ADAMTS20: variants seen among roughly 807,000 people sequenced by gnomAD.
The protein encoded by ADAMTS20 is A disintegrin and metalloproteinase with thrombospondin motifs 20.
Under a neutral mutation model 260.1 loss-of-function variants are expected in ADAMTS20, and 225 were observed. The ratio of observed to expected loss-of-function variants is 0.87; its 90% CI spans 0.78 to 0.97. The LOEUF is 0.97. Ranked by LOEUF, ADAMTS20 falls within the 50% of genes least tolerant of loss-of-function variation. The pLI is 0.00. For synonymous variants in ADAMTS20, 802 were observed against 769.5 expected (o/e 1.04, Z -0.70); for missense variants, 2,400 against 2,337.7 (o/e 1.03, Z -0.55).
chr12:43,454,268 T>C (rs1159775239), intron 11 of ADAMTS20, among the ~76,000 whole-genome samples: 1 of 152,194 alleles, frequency 6.6e-6, no homozygotes, highest in African/African-American at 2.4e-5. Flanking sequence ...CTTCTGGCTT[T>C]AAGATTTAGA....
chr12:43,376,861 A>C (rs1381991461), intron 32 of ADAMTS20, among the ~76,000 whole-genome samples: 3 of 152,202 alleles, frequency 2.0e-5, no homozygotes, highest in Non-Finnish European at 4.4e-5. Flanking sequence ...ATTATTTCTC[A>C]GTTACTGGCT....
intron 2 of ADAMTS20, among the ~76,000 whole-genome samples, chr12:43,540,639 T>TA (rs34768513): frequency 2.0e-5 from 3 of 151,518 alleles, no homozygotes; most frequent in African/African-American, 7.3e-5. Context: ...TTAGCAGACT[T>TA]AAAAAAAAAA....
At chr12:43,433,800 C>A in intron 19 of ADAMTS20, 2 of 489,124 alleles carry the variant, frequency 4.1e-6, no homozygotes, top group Non-Finnish European at 8.2e-6. Context: ...GATCTAGGAT[C>A]AATTTCCCTA....
rs201686878 is a variant in ADAMTS20, at chr12:43,492,481, G to T, written c.1076+24C>A. ...GAGGGAAGAGTAAAGGATTGTATGG[G>T]AAGGGTTATTTCTATAATCATACCT... On this transcript the variant is annotated intron_variant, in intron 6 of 38. Coordinates refer to ENST00000389420, the MANE Select transcript of ADAMTS20 (RefSeq NM_025003.5). 1.8e-3 allele frequency: 2,914 copies of T among 1,611,828 alleles called. 7 individuals are homozygous for T. The highest frequency in any genetic ancestry group is 2.3e-3 in the Non-Finnish European group (2,765 of 1,178,114).
intron 28 of ADAMTS20, among the ~76,000 whole-genome samples, chr12:43,404,318 C>G (rs1291730497): frequency 1.3e-5 from 2 of 151,834 alleles, no homozygotes; most frequent in Non-Finnish European, 2.9e-5. Context: ...GCACCATGAA[C>G]CACAGGATCT....
chr12:43,508,279 T>TATCATTA (rs1363097658), intron 3 of ADAMTS20, among the ~76,000 whole-genome samples: 2 of 152,184 alleles, frequency 1.3e-5, no homozygotes, highest in East Asian at 3.8e-4. Context: ...TTATTATCAT[T>TATCATTA]ATCATTGAAA....
rs1274730824 is a variant in ADAMTS20 at position 43,452,410 on chromosome 12, A to C, written c.1943T>G (p.Ile648Ser). 2.5e-6 allele frequency: 4 copies of C among 1,606,982 alleles called. No individual in the cohort carries two copies. Among genetic ancestry groups the C allele is most frequent in the Non-Finnish European group, 3.4e-6 (4 of 1,178,088 alleles). ...GAGTTTACAACGATCCTTTGTGCCA[A>C]CTGTAAAAAAGAAAAAGGTCAAATT... is the stretch of plus-strand genomic sequence containing the variant. ...NVRWLPRYSG[I>S]GTKDRCKLYC... The change falls in exon 14 of 39, where the codon ATT (isoleucine) becomes AGT (serine). Residue 648 changes from isoleucine (I) to serine (S), a missense_variant and splice_region_variant. Physicochemically the swap from Ile to Ser is moderately radical, Grantham distance 142. Coordinates refer to ENST00000389420, the MANE Select transcript of ADAMTS20 (RefSeq NM_025003.5).
intron 15 of ADAMTS20, among the ~76,000 whole-genome samples, chr12:43,446,262 G>T (rs537349755): frequency 2.4e-4 from 36 of 152,134 alleles, no homozygotes; most frequent in Non-Finnish European, 5.0e-4. Flanking sequence ...ATACATTTTA[G>T]GTTATAGGGA....
chr12:43,478,795 T>C (rs1942398467), intron 7 of ADAMTS20, among the ~76,000 whole-genome samples: 1 of 152,196 alleles, frequency 6.6e-6, no homozygotes, highest in Non-Finnish European at 1.5e-5. Flanking sequence ...ATTTGCCTGT[T>C]AAATCAGGAA....
At chr12:43,396,666 T>A (rs1940710484) in intron 29 of ADAMTS20, among the ~76,000 whole-genome samples, 1 of 152,192 alleles carries the variant, frequency 6.6e-6, no homozygotes, top group South Asian at 2.1e-4. Context: ...TTTTTTATAG[T>A]CCTTAAATAT....
intron 37 of ADAMTS20, among the ~76,000 whole-genome samples, chr12:43,358,836 CAAAAA>C (rs151206551): frequency 1.6e-5 from 1 of 61,256 alleles, no homozygotes; most frequent in East Asian, 5.3e-4. Context: ...AACTCCGTCT[CAAAAA>C]AAAAAAAAAA....
intron 38 of ADAMTS20, among the ~76,000 whole-genome samples, chr12:43,355,833 T>C (rs1188866113): frequency 6.6e-6 from 1 of 152,006 alleles, no homozygotes; most frequent in Non-Finnish European, 1.5e-5. Flanking sequence ...TAATACAACA[T>C]GTGCTATAGT....
At chr12:43,487,580 AT>A (rs1942542135) in intron 7 of ADAMTS20, among the ~76,000 whole-genome samples, 1 of 133,218 alleles carries the variant, frequency 7.5e-6, no homozygotes, top group Non-Finnish European at 1.6e-5. Context: ...AACTATTGAA[AT>A]AAAAAAATTA....
At chr12:43,395,781 C>T (rs1030185854) in intron 29 of ADAMTS20, among the ~76,000 whole-genome samples, 2 of 138,480 alleles carry the variant, frequency 1.4e-5, no homozygotes, top group Non-Finnish European at 3.0e-5. Flanking sequence ...CCAAAGAAAA[C>T]ACTTCATTCA....
At chr12:43,382,948 C>A (rs1386179214) in intron 31 of ADAMTS20, among the ~76,000 whole-genome samples, 2 of 151,864 alleles carry the variant, frequency 1.3e-5, no homozygotes, top group East Asian at 1.9e-4. Context: ...ATACTACAAC[C>A]TGATCAAATC....
intron 3 of ADAMTS20, among the ~76,000 whole-genome samples, chr12:43,513,308 G>A (rs1412614185): frequency 1.3e-5 from 2 of 152,088 alleles, no homozygotes; most frequent in Non-Finnish European, 2.9e-5. Context: ...CAACCCATAG[G>A]ACTTGTTCTA....
At chr12:43,407,767 A>G (rs1315282951) in intron 28 of ADAMTS20, among the ~76,000 whole-genome samples, 1 of 152,194 alleles carries the variant, frequency 6.6e-6, no homozygotes, top group South Asian at 2.1e-4. Flanking sequence ...AACATTAGTT[A>G]TTGAACTTGA....
At chr12:43,543,369 TC>T (rs1290421478) in intron 2 of ADAMTS20, among the ~76,000 whole-genome samples, 1 of 152,168 alleles carries the variant, frequency 6.6e-6, no homozygotes, top group Non-Finnish European at 1.5e-5. Context: ...GTAGTGAGTC[TC>T]CACAATTCCT....
Position 43,420,205 on chromosome 12 carries a change from G to A in ADAMTS20, c.4284+5309C>T, listed in dbSNP as rs565452036. ...CTGAAATGTGTTAGGAATCTCACCC[G>A]GCATTCTGGCCACCTGTTTATTAAT... On this transcript the variant is annotated intron_variant, in intron 28 of 38. Transcript: ENST00000389420. 5.9e-5 allele frequency among the ~76,000 whole-genome samples: 9 copies of A among 152,198 alleles called. No homozygotes were observed. The South Asian group carries it at 6.2e-4, about 11-fold the overall frequency.
Sources: allele counts gnomAD v4.1 joint callset (sites outside exome capture counted in the v4.1 genomes callset), GRCh38; gene constraint gnomAD v4.1.1; transcripts MANE v1.5; gene names NCBI Gene and HGNC (gene_info 2026-07-23, HGNC 2026-07-21).